The following CCSER1 variants were observed in gnomAD, a reference collection of about 807,000 sequenced individuals.
CCSER1 encodes serine-rich coiled-coil domain-containing protein 1.
In CCSER1, 41 loss-of-function variants were observed where a neutral mutation model predicts 82.0. The observed-to-expected ratio is 0.50, with a 90% confidence interval of 0.39 to 0.65. CCSER1 has a LOEUF of 0.65. Among genes scored for constraint, CCSER1 ranks in the 30% least tolerant of loss-of-function variants. The probability of loss-of-function intolerance (pLI) is 0.00; values close to 1 mark genes in which losing one functional copy is unlikely to be tolerated. For synonymous variants in CCSER1, 414 were observed against 383.9 expected, an observed-to-expected ratio of 1.08 and a Z score of -0.92; for missense variants, 1,119 against 1,064.2, an observed-to-expected ratio of 1.05 and a Z score of -0.72.
chr4:90,901,925 T>C (rs1724717826), intron 8 of CCSER1, among the ~76,000 whole-genome samples: 2 of 152,170 alleles, frequency 1.3e-5, no homozygotes, highest in African/African-American at 4.8e-5. Flanking sequence ...AATGCCAATA[T>C]GTCATAGGTT....
intron 10 of CCSER1, among the ~76,000 whole-genome samples, chr4:91,341,944 T>G (rs1264239544): frequency 6.6e-6 from 1 of 152,240 alleles, no homozygotes; most frequent in East Asian, 1.9e-4. Flanking sequence ...TGTTAATATT[T>G]TCATGCATCT....
At chr4:90,897,885 A>T (rs901627284) in intron 8 of CCSER1, among the ~76,000 whole-genome samples, 4 of 152,000 alleles carry the variant, frequency 2.6e-5, no homozygotes, top group African/African-American at 7.2e-5. Flanking sequence ...AGGTTTTTTC[A>T]TATGTTTGTT....
intron 6 of CCSER1, among the ~76,000 whole-genome samples, chr4:90,699,337 C>A (rs557800583): frequency 2.6e-5 from 4 of 152,028 alleles, no homozygotes; most frequent in Non-Finnish European, 4.4e-5. Context: ...TGGTGGTACA[C>A]GCCTGTAATC....
chr4:91,523,869 G>C (rs1276777058), intron 10 of CCSER1, among the ~76,000 whole-genome samples: 4 of 151,982 alleles, frequency 2.6e-5, no homozygotes, highest in Non-Finnish European at 5.9e-5. Flanking sequence ...GTGTCTCTAT[G>C]TCCTTCAGTT....
At chr4:91,518,754 T>C (rs1480111287) in intron 10 of CCSER1, among the ~76,000 whole-genome samples, 1 of 152,182 alleles carries the variant, frequency 6.6e-6, no homozygotes, top group Admixed American at 6.5e-5. Context: ...ACCATTTCTG[T>C]GGCAGTGGCA....
intron 10 of CCSER1, among the ~76,000 whole-genome samples, chr4:91,143,884 T>A (rs1333715197): frequency 6.6e-6 from 1 of 152,208 alleles, no homozygotes; most frequent in African/African-American, 2.4e-5. Flanking sequence ...TGGCAGTATT[T>A]TATTAAGGCT....
At chr4:91,497,794 G>C (rs574322909) in intron 10 of CCSER1, among the ~76,000 whole-genome samples, 1 of 151,980 alleles carries the variant, frequency 6.6e-6, no homozygotes, top group Admixed American at 6.6e-5. Context: ...TTAGTGACAG[G>C]ACCAGTAAGA....
chr4:90,642,910 A>G (rs1454692862), intron 6 of CCSER1, among the ~76,000 whole-genome samples: 1 of 151,100 alleles, frequency 6.6e-6, no homozygotes, highest in Non-Finnish European at 1.5e-5. Flanking sequence ...TTTTTTTTAA[A>G]GTAAAAGTGC....
chr4:91,211,143 T>C (rs994121077), intron 10 of CCSER1, among the ~76,000 whole-genome samples: 5 of 151,940 alleles, frequency 3.3e-5, no homozygotes, highest in African/African-American at 1.2e-4. Flanking sequence ...GTAGACAAGG[T>C]ACTCGGAGTG....
At chr4:91,201,960 C>T in intron 10 of CCSER1, among the ~76,000 whole-genome samples, 1 of 151,948 alleles carries the variant, frequency 6.6e-6, no homozygotes, top group Admixed American at 6.6e-5. Context: ...ACATTACACT[C>T]TGCTAAAGTT....
chr4:91,039,885 A>C (rs1433483935), intron 9 of CCSER1, among the ~76,000 whole-genome samples: 1 of 152,148 alleles, frequency 6.6e-6, no homozygotes, highest in Non-Finnish European at 1.5e-5. Context: ...ATACTTCAAA[A>C]TTTGGAAAAT....
chr4:91,107,154 T>G (rs538455481), intron 10 of CCSER1, among the ~76,000 whole-genome samples: 1 of 152,346 alleles, frequency 6.6e-6, no homozygotes, highest in African/African-American at 2.4e-5. Flanking sequence ...CTGAGAACAA[T>G]AGGCTATACC....
In CCSER1 at chr4:91,592,729, T is replaced by A. The variant is rs1764323699; in HGVS notation, c.2218-5843T>A. ...TTTAAATTCTGTTTAACATTAGTTA[T>A]TTTTCTAAGTATAATACCAGTTTTC... On this transcript the variant is annotated intron_variant, in intron 10 of 10. Transcript: ENST00000509176. Among the ~76,000 whole-genome samples, 8 of 152,236 alleles carry A rather than the reference T, an allele frequency of 5.3e-5. No homozygotes were observed. The South Asian group carries it at 1.7e-3, about 32-fold the overall frequency.
chr4:91,336,108 A>G (rs561482660), intron 10 of CCSER1, among the ~76,000 whole-genome samples: 1 of 152,226 alleles, frequency 6.6e-6, no homozygotes, highest in South Asian at 2.1e-4. Flanking sequence ...AGTTATTTAA[A>G]ATTCAATTGT....
chr4:90,292,809 A>AT (rs1308406634), intron 1 of CCSER1, among the ~76,000 whole-genome samples: 3 of 151,870 alleles, frequency 2.0e-5, no homozygotes, highest in Non-Finnish European at 4.4e-5. Flanking sequence ...GTTGGATTCC[A>AT]TATTACTGCC....
At chr4:90,151,166 G>A (rs947391902) in intron 1 of CCSER1, among the ~76,000 whole-genome samples, 4 of 151,934 alleles carry the variant, frequency 2.6e-5, no homozygotes, top group African/African-American at 7.2e-5. Context: ...ACTTTCAAAT[G>A]TACCTAAGAA....
intron 8 of CCSER1, among the ~76,000 whole-genome samples, chr4:90,910,128 A>C (rs1365276059): frequency 6.6e-6 from 1 of 152,142 alleles, no homozygotes; most frequent in African/African-American, 2.4e-5. Context: ...GAGAGAGCAA[A>C]GTGGGAAGGG....
At chr4:91,218,483 T>C (rs1272213893) in intron 10 of CCSER1, among the ~76,000 whole-genome samples, 2 of 151,946 alleles carry the variant, frequency 1.3e-5, no homozygotes, top group African/African-American at 4.8e-5. Context: ...GCAGGGGAGG[T>C]GCCGAGAGCA....
intron 5 of CCSER1, among the ~76,000 whole-genome samples, chr4:90,565,715 A>C (rs1376041444): frequency 6.6e-6 from 1 of 152,202 alleles, no homozygotes; most frequent in Non-Finnish European, 1.5e-5. Flanking sequence ...TTTTATGGTG[A>C]AAATATTTTG....
Sources: allele counts gnomAD v4.1 joint callset (sites outside exome capture counted in the v4.1 genomes callset), GRCh38; gene constraint gnomAD v4.1.1; transcripts MANE v1.5; gene names NCBI Gene and HGNC (gene_info 2026-07-23, HGNC 2026-07-21).